The following RGS17 variants were observed in gnomAD, a reference collection of about 807,000 sequenced individuals.
RGS17 encodes the protein regulator of G protein signaling 17.
In RGS17, 12 loss-of-function variants were observed where a neutral mutation model predicts 25.5. That is an observed-to-expected ratio of 0.47 (90% CI 0.30 to 0.76). The LOEUF (loss-of-function observed/expected upper bound fraction) is 0.76. Among genes scored for constraint, RGS17 ranks in the 30% least tolerant of loss-of-function variants. The pLI is 0.07. For synonymous variants in RGS17, 71 were observed against 76.9 expected (o/e 0.92, Z 0.40); for missense variants, 196 against 242.2 (o/e 0.81, Z 1.27).
chr6:153,120,680 T>A (rs1777617091), intron 1 of RGS17, among the ~76,000 whole-genome samples: 1 of 152,182 alleles, frequency 6.6e-6, no homozygotes, highest in South Asian at 2.1e-4. Context: ...AATTCCACCT[T>A]TTTACTCTGA....
chr6:153,059,714 GTTA>G (rs1776610462), intron 1 of RGS17, among the ~76,000 whole-genome samples: 1 of 152,112 alleles, frequency 6.6e-6, no homozygotes, highest in Non-Finnish European at 1.5e-5. Flanking sequence ...TGTTCCTAAT[GTTA>G]TTATTACTCC....
At chr6:153,079,022 T>C (rs1208491642) in intron 1 of RGS17, among the ~76,000 whole-genome samples, 1 of 152,196 alleles carries the variant, frequency 6.6e-6, no homozygotes, top group Non-Finnish European at 1.5e-5. Flanking sequence ...TCTGTATTTC[T>C]TTTTCTCACC....
At chr6:153,035,713 G>C (rs1776231680) in intron 2 of RGS17, among the ~76,000 whole-genome samples, 1 of 152,130 alleles carries the variant, frequency 6.6e-6, no homozygotes, top group South Asian at 2.1e-4. Context: ...ATTTCATATT[G>C]CCTTGGAAAA....
At chr6:153,081,432 T>C (rs1029496108) in intron 1 of RGS17, among the ~76,000 whole-genome samples, 7 of 152,160 alleles carry the variant, frequency 4.6e-5, no homozygotes, top group South Asian at 2.1e-4. Flanking sequence ...TCTTTGTTTA[T>C]CCTTTTAATC....
intron 1 of RGS17, among the ~76,000 whole-genome samples, chr6:153,049,863 G>A (rs919910897): frequency 2.0e-5 from 3 of 152,124 alleles, no homozygotes; most frequent in Non-Finnish European, 4.4e-5. Flanking sequence ...GAAGACTGAA[G>A]ACATGTCTGA....
intron 2 of RGS17, among the ~76,000 whole-genome samples, chr6:153,034,017 T>C (rs1293163705): frequency 6.6e-6 from 1 of 152,140 alleles, no homozygotes; most frequent in African/African-American, 2.4e-5. Context: ...GGAGCTCCAG[T>C]TTCTGACTTT....
At chr6:153,104,600 T>C (rs1777352231) in intron 1 of RGS17, among the ~76,000 whole-genome samples, 2 of 152,248 alleles carry the variant, frequency 1.3e-5, no homozygotes, top group Admixed American at 1.3e-4. Context: ...AAACATTTAC[T>C]GAATGGTTAC....
intron 2 of RGS17, among the ~76,000 whole-genome samples, chr6:153,038,460 C>T (rs887820007): frequency 6.6e-6 from 1 of 152,188 alleles, no homozygotes; most frequent in East Asian, 1.9e-4. Context: ...TGGAGACTTC[C>T]GTATTGCTAC....
At chr6:153,023,939 C>T (rs922576728) in intron 4 of RGS17, among the ~76,000 whole-genome samples, 1 of 152,106 alleles carries the variant, frequency 6.6e-6, no homozygotes, top group Admixed American at 6.5e-5. Context: ...TCATGCTTTG[C>T]GAAATACCAC....
chr6:153,046,187 G>C (rs1021324599), intron 1 of RGS17, among the ~76,000 whole-genome samples: 3 of 150,784 alleles, frequency 2.0e-5, no homozygotes, highest in Middle Eastern at 3.2e-3. Context: ...ACCAGAGGCT[G>C]GGAAGGGTAG....
chr6:153,012,673 C>G (rs1779145949), intron 4 of RGS17, among the ~76,000 whole-genome samples: 1 of 151,590 alleles, frequency 6.6e-6, no homozygotes, highest in Admixed American at 6.5e-5. Flanking sequence ...AACAACCACT[C>G]AAAGTCCAGA....
chr6:153,059,383 G>T (rs1019641300), intron 1 of RGS17, among the ~76,000 whole-genome samples: 1 of 152,148 alleles, frequency 6.6e-6, no homozygotes, highest in African/African-American at 2.4e-5. Context: ...CTATGCTAAA[G>T]GTCATCACAT....
chr6:153,072,294 T>C (rs1776815412), intron 1 of RGS17, among the ~76,000 whole-genome samples: 1 of 152,050 alleles, frequency 6.6e-6, no homozygotes, highest in African/African-American at 2.4e-5. Flanking sequence ...CACACATAGG[T>C]TATCATAGGT....
chr6:153,080,381 A>G (rs187833165), intron 1 of RGS17, among the ~76,000 whole-genome samples: 1 of 152,244 alleles, frequency 6.6e-6, no homozygotes, highest in Admixed American at 6.5e-5. Context: ...TAATTATAAG[A>G]TTTATCGCGC....
intron 1 of RGS17, among the ~76,000 whole-genome samples, chr6:153,101,001 TATTCAGGCTCA>T (rs1777294782): frequency 6.6e-6 from 1 of 152,208 alleles, no homozygotes; most frequent in African/African-American, 2.4e-5. Flanking sequence ...TCTCTGAGCC[TATTCAGGCTCA>T]GAGGCTACCA....
At chr6:153,106,103 G>A (rs138475738) in intron 1 of RGS17, among the ~76,000 whole-genome samples, 1,650 of 152,204 alleles carry the variant, frequency 0.011, 27 homozygotes, top group African/African-American at 0.038. Flanking sequence ...TTTACATATG[G>A]GTGTAACTGA....
At chr6:153,030,861 T>C (rs1779354692) in intron 2 of RGS17, among the ~76,000 whole-genome samples, 1 of 152,216 alleles carries the variant, frequency 6.6e-6, no homozygotes, top group African/African-American at 2.4e-5. Context: ...TCACATGGCA[T>C]TGTGATAAGA....
At chr6:153,050,116 G>T (rs1184090991) in intron 1 of RGS17, among the ~76,000 whole-genome samples, 1 of 152,084 alleles carries the variant, frequency 6.6e-6, no homozygotes, top group African/African-American at 2.4e-5. Context: ...ACACCTCCAA[G>T]TGATAATACA....
At chr6:153,094,844 A>C (rs1363242449) in intron 1 of RGS17, among the ~76,000 whole-genome samples, 1 of 152,170 alleles carries the variant, frequency 6.6e-6, no homozygotes, top group Non-Finnish European at 1.5e-5. Context: ...AGTTTTATCA[A>C]TGAAAGCTCT....
Sources: gnomAD v4.1 joint callset for allele counts (sites outside exome capture counted in the v4.1 genomes callset) on GRCh38, gnomAD v4.1.1 for gene constraint, MANE v1.5 for transcripts, NCBI Gene and HGNC (gene_info 2026-07-23, HGNC 2026-07-21) for gene names.